Variants in MMAA observed in about 807,000 individuals in gnomAD.
MMAA encodes methylmalonic aciduria type A protein, mitochondrial.
Under a neutral mutation model 45.0 loss-of-function variants are expected in MMAA, and 41 were observed. The ratio of observed to expected loss-of-function variants is 0.91; its 90% CI spans 0.71 to 1.18. The LOEUF (loss-of-function observed/expected upper bound fraction) is 1.18, where lower values mean the gene tolerates loss of function less well. Ranked by LOEUF, MMAA falls within the 50% of genes most tolerant of loss-of-function variation. The pLI is 0.00. For synonymous variants in MMAA, 154 were observed against 178.2 expected, an observed-to-expected ratio of 0.86 and a Z score of 1.08; for missense variants, 460 against 495.7, an observed-to-expected ratio of 0.93 and a Z score of 0.68.
At chr4:145,644,844 A>C (rs1011142924) in intron 3 of MMAA, among the ~76,000 whole-genome samples, 1 of 152,202 alleles carries the variant, frequency 6.6e-6, no homozygotes, top group Non-Finnish European at 1.5e-5. Context: ...GCATTGAAGG[A>C]TGCTTATTTA....
chr4:145,621,252 G>C (rs920550821), intron 1 of MMAA, among the ~76,000 whole-genome samples: 5 of 152,190 alleles, frequency 3.3e-5, no homozygotes, highest in African/African-American at 1.2e-4. Context: ...GTTGGTCTCA[G>C]AGCTTCCTAG....
intron 1 of MMAA, among the ~76,000 whole-genome samples, chr4:145,636,384 G>T (rs966937367): frequency 1.3e-5 from 2 of 152,146 alleles, no homozygotes; most frequent in African/African-American, 2.4e-5. Flanking sequence ...TTGACTTCGT[G>T]TCACTGCTTC....
chr4:145,625,379 G>T, intron 1 of MMAA: 1 of 701,118 alleles, frequency 1.4e-6, no homozygotes, highest in Non-Finnish European at 2.7e-6. Context: ...GTTGGTGCTG[G>T]GTATGTAAGG....
At chr4:145,649,602 G>C (rs1332764582) in intron 4 of MMAA, among the ~76,000 whole-genome samples, 1 of 152,082 alleles carries the variant, frequency 6.6e-6, no homozygotes, top group Non-Finnish European at 1.5e-5. Context: ...CTGTTGCTTT[G>C]ACTCATTCAT....
At chr4:145,649,747 G>C (rs1728037941) in intron 4 of MMAA, among the ~76,000 whole-genome samples, 1 of 152,048 alleles carries the variant, frequency 6.6e-6, no homozygotes, top group Non-Finnish European at 1.5e-5. Context: ...CACCGAGAAA[G>C]GGAGAGAGTT....
At chr4:145,641,564 C>G (rs1727784320) in intron 2 of MMAA, among the ~76,000 whole-genome samples, 2 of 152,152 alleles carry the variant, frequency 1.3e-5, no homozygotes, top group African/African-American at 4.8e-5. Flanking sequence ...ACTTATATGT[C>G]TCTTATGCCA....
At chr4:145,625,080 G>T in intron 1 of MMAA, 1 of 963,634 alleles carries the variant, frequency 1.0e-6, no homozygotes, top group Non-Finnish European at 1.7e-6. Flanking sequence ...GGCTTCCCCA[G>T]CTTATGGGAT....
In MMAA at chr4:145,651,095, T is replaced by C. The variant is rs748721023; in HGVS notation, c.767T>C (p.Met256Thr). The C allele has an allele frequency of 1.9e-6, 3 of 1,614,056 alleles. No individual in the cohort carries two copies. Among genetic ancestry groups the C allele is most frequent in the Admixed American group, 3.3e-5 (2 of 60,002 alleles). Residue 256 changes from methionine to threonine, a missense_variant, in exon 5 of 7, where the codon ATG becomes ACG. Transcript: ENST00000649156. ...VGQSEFAVAD[M>T]VDMFVLLLPP... Reference sequence around the variant, plus strand: ...CAGTCGGAGTTTGCTGTTGCTGACATGGTTGACATGTTTGTTTTACTACTG... The same window carrying C: ...CAGTCGGAGTTTGCTGTTGCTGACACGGTTGACATGTTTGTTTTACTACTG...
chr4:145,634,310 A>C (rs1006742441), intron 1 of MMAA, among the ~76,000 whole-genome samples: 1 of 152,140 alleles, frequency 6.6e-6, no homozygotes, highest in Admixed American at 6.5e-5. Flanking sequence ...TCCCTTTTCC[A>C]AAGGCAGAGG....
intron 4 of MMAA, among the ~76,000 whole-genome samples, chr4:145,648,266 G>GC (rs1560799901): frequency 6.6e-6 from 1 of 151,236 alleles, no homozygotes; most frequent in Non-Finnish European, 1.5e-5. Context: ...TCCTGCCTCA[G>GC]CCCCCCGAGT....
chr4:145,621,541 C>T (rs993456890), intron 1 of MMAA, among the ~76,000 whole-genome samples: 1 of 152,092 alleles, frequency 6.6e-6, no homozygotes, highest in African/African-American at 2.4e-5. Flanking sequence ...TCCTGCTCTA[C>T]AAAAGTTTCC....
chr4:145,654,009 A>G lies in MMAA; in HGVS notation c.835A>G (p.Ile279Val). The change falls in exon 6 of 7, where the codon ATA (isoleucine) becomes GTA (valine). Residue 279 changes from isoleucine to valine, a missense_variant. Transcript: ENST00000649156. ...ATCTCTTTAGGGTATCAAAAGGGGT[A>G]TAATCGAGATGGCAGATCTGGTAGC... is the stretch of plus-strand genomic sequence containing the variant. Reference protein sequence around the residue: ...GDELQGIKRGIIEMADLVAVT... With the variant: ...GDELQGIKRGVIEMADLVAVT... The G allele has an allele frequency of 6.2e-7, 1 of 1,614,182 alleles. No individual in the cohort carries two copies. Among genetic ancestry groups the G allele is most frequent in the Non-Finnish European group, 8.5e-7 (1 of 1,180,010 alleles).
chr4:145,633,038 T>C (rs934491308), intron 1 of MMAA, among the ~76,000 whole-genome samples: 10 of 150,902 alleles, frequency 6.6e-5, no homozygotes, highest in African/African-American at 2.4e-4. Flanking sequence ...TGGGCCATCA[T>C]GCCTGGCCCA....
intron 1 of MMAA, among the ~76,000 whole-genome samples, chr4:145,632,534 A>G (rs944236134): frequency 6.6e-6 from 1 of 152,110 alleles, no homozygotes; most frequent in Non-Finnish European, 1.5e-5. Flanking sequence ...TTGACTATTG[A>G]TATCTTTCCC....
intron 2 of MMAA, among the ~76,000 whole-genome samples, chr4:145,640,650 C>G (rs979965096): frequency 1.3e-5 from 2 of 152,230 alleles, no homozygotes; most frequent in Non-Finnish European, 2.9e-5. Context: ...CTACCATGCC[C>G]AGCCTATCAA....
chr4:145,631,936 G>A (rs576891117), intron 1 of MMAA, among the ~76,000 whole-genome samples: 9 of 152,228 alleles, frequency 5.9e-5, no homozygotes, highest in African/African-American at 1.2e-4. Flanking sequence ...CTGCCTTACC[G>A]TGATCCCTGG....
intron 1 of MMAA, among the ~76,000 whole-genome samples, chr4:145,623,507 G>T (rs1165040760): frequency 6.6e-6 from 1 of 152,152 alleles, no homozygotes; most frequent in Non-Finnish European, 1.5e-5. Context: ...GACAAAATTT[G>T]CAGTAGCTGA....
At chr4:145,624,903 A>G in intron 1 of MMAA, 1 of 1,565,176 alleles carries the variant, frequency 6.4e-7, no homozygotes, top group Non-Finnish European at 8.8e-7. Context: ...CTTGGCCCCC[A>G]AGTGGTCATG....
chr4:145,625,591 G>A lies in MMAA; in HGVS notation c.-66+6184G>A, dbSNP rs1414027284. ...AGAGACCTAAATATGGTGATGGTCT[G>A]GCACAGAGCAGTTGTGTCAGCTTCA... On this transcript the variant is annotated intron_variant, in intron 1 of 6. Transcript: ENST00000649156. 7 of 784,752 alleles carry A rather than the reference G, an allele frequency of 8.9e-6. No individual in the cohort carries two copies. The East Asian group carries it at 1.7e-4, about 19-fold the overall frequency. 48.6% of individuals were successfully genotyped at this position (784,752 alleles called of 1,614,324 possible).
Sources: gnomAD v4.1 joint callset for allele counts (sites outside exome capture counted in the v4.1 genomes callset) on GRCh38, gnomAD v4.1.1 for gene constraint, MANE v1.5 for transcripts, NCBI Gene and HGNC (gene_info 2026-07-23, HGNC 2026-07-21) for gene names.